CABCOCO1: variants seen among roughly 807,000 people sequenced by gnomAD.
CABCOCO1 encodes the protein ciliary-associated calcium-binding coiled-coil protein 1.
A neutral mutation model predicts 35.7 loss-of-function variants in CABCOCO1; 28 were observed. The observed-to-expected ratio is 0.78, with a 90% CI of 0.58 to 1.07. The LOEUF (loss-of-function observed/expected upper bound fraction) is 1.07, where lower values mean the gene tolerates loss of function less well. Ranked by LOEUF, CABCOCO1 falls within the 50% of genes least tolerant of loss-of-function variation. The pLI, the probability that CABCOCO1 is intolerant of heterozygous loss-of-function variation, is 0.00. For missense variants in CABCOCO1, 326 were observed against 309.2 expected, an observed-to-expected ratio of 1.05 and a Z score of -0.41; for synonymous variants, 95 against 100.1, an observed-to-expected ratio of 0.95 and a Z score of 0.30.
chr10:61,721,651 T>C (rs1841024803), intron 5 of CABCOCO1, among the ~76,000 whole-genome samples: 1 of 152,122 alleles, frequency 6.6e-6, no homozygotes, highest in Non-Finnish European at 1.5e-5. Flanking sequence ...CAGTGGGACG[T>C]GGGGCAATAA....
At chr10:61,696,458 T>TG (rs2132005874) in intron 5 of CABCOCO1, among the ~76,000 whole-genome samples, 1 of 152,210 alleles carries the variant, frequency 6.6e-6, no homozygotes, top group South Asian at 2.1e-4. Context: ...TTTAAGTCAC[T>TG]GGGAGAAAAC....
At chr10:61,748,747 T>G (rs942702666) in intron 5 of CABCOCO1, among the ~76,000 whole-genome samples, 1 of 152,182 alleles carries the variant, frequency 6.6e-6, no homozygotes, top group Non-Finnish European at 1.5e-5. Flanking sequence ...AAATAAATTA[T>G]TCAAACCACG....
At chr10:61,677,080 T>G (rs1839536775) in intron 2 of CABCOCO1, among the ~76,000 whole-genome samples, 1 of 150,598 alleles carries the variant, frequency 6.6e-6, no homozygotes, top group Non-Finnish European at 1.5e-5. Context: ...ATAATAATAA[T>G]AATAATAATA....
At position 61,692,870 on chromosome 10, in the gene CABCOCO1, C is replaced by T. The variant is rs374843457; in HGVS notation, c.552+2249C>T. On this transcript the variant is annotated intron_variant, in intron 5 of 7. Transcript: ENST00000648843. ...ACCTCATATCGCGTGACAGCCCTTG[C>T]AATAATTATCAGTTTGGAATATAAT... 4.6e-5 allele frequency among the ~76,000 whole-genome samples: 7 copies of T among 152,138 alleles called. No homozygotes were observed. In the East Asian group the frequency reaches 1.2e-3, roughly 25 times the overall value.
intron 5 of CABCOCO1, among the ~76,000 whole-genome samples, chr10:61,723,029 A>G (rs997990911): frequency 6.6e-6 from 1 of 152,238 alleles, no homozygotes; most frequent in Non-Finnish European, 1.5e-5. Context: ...AAATCCTGTC[A>G]AAAGTACGCT....
chr10:61,710,527 CA>C (rs1255289368), intron 5 of CABCOCO1, among the ~76,000 whole-genome samples: 2 of 151,832 alleles, frequency 1.3e-5, no homozygotes, highest in Non-Finnish European at 2.9e-5. Context: ...TTTTATCTTT[CA>C]AATATGAAAA....
chr10:61,755,565 T>C (rs776941143), intron 5 of CABCOCO1, among the ~76,000 whole-genome samples: 14 of 152,110 alleles, frequency 9.2e-5, no homozygotes, highest in Non-Finnish European at 2.1e-4. Context: ...TATGTGCCTA[T>C]GGCTCAAAAA....
At chr10:61,752,739 T>G (rs1841816377) in intron 5 of CABCOCO1, among the ~76,000 whole-genome samples, 1 of 152,196 alleles carries the variant, frequency 6.6e-6, no homozygotes, top group African/African-American at 2.4e-5. Flanking sequence ...TAATATTAGG[T>G]TGACTTCTCT....
chr10:61,674,595 A>T (rs942118740), intron 2 of CABCOCO1, among the ~76,000 whole-genome samples: 1 of 152,198 alleles, frequency 6.6e-6, no homozygotes, highest in African/African-American at 2.4e-5. Context: ...ACAGAAATAT[A>T]GTTTAAGTAT....
At chr10:61,765,641 T>G (rs1842093667) in intron 7 of CABCOCO1, among the ~76,000 whole-genome samples, 1 of 152,220 alleles carries the variant, frequency 6.6e-6, no homozygotes, top group Admixed American at 6.5e-5. Flanking sequence ...ATTGGTAAAG[T>G]CTGTCTGAAA....
intron 5 of CABCOCO1, among the ~76,000 whole-genome samples, chr10:61,718,169 T>A (rs563694354): frequency 4.0e-4 from 61 of 152,296 alleles, no homozygotes; most frequent in Non-Finnish European, 7.8e-4. Flanking sequence ...TGGAATGAAA[T>A]CTTCCTACTT....
At chr10:61,730,442 T>C (rs1362808808) in intron 5 of CABCOCO1, among the ~76,000 whole-genome samples, 1 of 151,988 alleles carries the variant, frequency 6.6e-6, no homozygotes, top group African/African-American at 2.4e-5. Context: ...AAAATAGACA[T>C]ATGAAGAGGA....
intron 5 of CABCOCO1, among the ~76,000 whole-genome samples, chr10:61,739,048 T>G (rs1276365516): frequency 6.6e-6 from 1 of 152,238 alleles, no homozygotes; most frequent in East Asian, 1.9e-4. Context: ...CACTGTCAGT[T>G]ACTATACCAG....
chr10:61,671,266 C>T (rs1839351174), intron 1 of CABCOCO1, among the ~76,000 whole-genome samples: 1 of 151,424 alleles, frequency 6.6e-6, no homozygotes, highest in Non-Finnish European at 1.5e-5. Flanking sequence ...GCGGAGCTTG[C>T]AGTGAGCCGA....
chr10:61,695,641 T>A (rs1004959645), intron 5 of CABCOCO1, among the ~76,000 whole-genome samples: 1 of 151,916 alleles, frequency 6.6e-6, no homozygotes, highest in Admixed American at 6.6e-5. Flanking sequence ...ACAAAAGACA[T>A]ATGTCCTTTA....
At chr10:61,744,993 C>T (rs1388491517) in intron 5 of CABCOCO1, among the ~76,000 whole-genome samples, 1 of 152,132 alleles carries the variant, frequency 6.6e-6, no homozygotes, top group East Asian at 1.9e-4. Context: ...GAAAGGATAG[C>T]AGCATTTCAG....
rs777421090 is a variant in CABCOCO1, at chr10:61,760,135, A to G, written c.629A>G (p.Tyr210Cys). 1 of 1,612,190 alleles carries G rather than the reference A, an allele frequency of 6.2e-7. No homozygotes were observed. Among genetic ancestry groups the G allele is most frequent in the South Asian group, 1.1e-5 (1 of 91,026 alleles). ...PLEEGISFDIYSTFIEPPTIL... is the reference protein window; with the variant it reads ...PLEEGISFDICSTFIEPPTIL... ...GAAGAAGGAATCTCATTTGATATTT[A>G]TTCAACATTCATAGAGCCCCCCACA... Residue 210 changes from tyrosine (Y) to cysteine (C), a missense_variant, in exon 6 of 8, where the codon TAT becomes TGT. Physicochemically the swap from Tyr to Cys is radical, Grantham distance 194 (BLOSUM62 -2). Coordinates refer to ENST00000648843, the MANE Select transcript of CABCOCO1 (RefSeq NM_001366906.2).
chr10:61,734,938 A>G (rs576433130), intron 5 of CABCOCO1, among the ~76,000 whole-genome samples: 20 of 152,260 alleles, frequency 1.3e-4, no homozygotes, highest in African/African-American at 4.6e-4. Flanking sequence ...TAACTGAGAA[A>G]TTCAACCTAA....
Position 61,760,057 on chromosome 10 carries a change from A to G in CABCOCO1, c.553-2A>G. ...ATAATTCAACTTTTTTCTTCCCATC[A>G]GCAAGTGATAGAGGTTGTCAAGTCT... On this transcript the variant is annotated splice_acceptor_variant, in intron 5 of 7. Transcript: ENST00000648843. LOFTEE classifies it high-confidence loss of function. The G allele has an allele frequency of 6.2e-7, 1 of 1,612,410 alleles. No individual in the cohort carries two copies. The highest frequency in any genetic ancestry group is 1.1e-5 in the South Asian group (1 of 90,926).
Sources: gnomAD v4.1 joint callset for allele counts (sites outside exome capture counted in the v4.1 genomes callset) on GRCh38, gnomAD v4.1.1 for gene constraint, MANE v1.5 for transcripts, NCBI Gene and HGNC (gene_info 2026-07-23, HGNC 2026-07-21) for gene names.